Variants in IL3RA observed in about 807,000 individuals in gnomAD.
IL3RA encodes the protein interleukin 3 receptor subunit alpha.
In IL3RA, 73 loss-of-function variants were observed where a neutral mutation model predicts 52.3. That is an observed-to-expected ratio of 1.40 (90% CI 1.16 to 1.70). The LOEUF is 1.70. Ranked by LOEUF, IL3RA falls within the 40% of genes most tolerant of loss-of-function variation. The pLI is 0.00. For synonymous variants in IL3RA, 260 were observed against 194.0 expected (o/e 1.34, Z -2.83); for missense variants, 664 against 504.4 (o/e 1.32, Z -3.03).
At position 1,382,553 on chromosome X, in the gene IL3RA, G is replaced by C; in HGVS notation, c.*88G>C. Reference sequence around the variant, plus strand: ...CAGACTGGCTGCTGGACCTGCGCACGCAGCCCAGGAATGGACATTCCTAAC... The same window carrying C: ...CAGACTGGCTGCTGGACCTGCGCACCCAGCCCAGGAATGGACATTCCTAAC... On this transcript the variant is annotated 3_prime_UTR_variant, in exon 12 of 12. Coordinates refer to ENST00000331035, the MANE Select transcript of IL3RA (RefSeq NM_002183.4). 8.1e-7 allele frequency: 1 copy of C among 1,234,264 alleles called. No homozygotes were observed. The highest frequency in any genetic ancestry group is 1.2e-5 in the South Asian group (1 of 83,284). 76.5% of individuals were successfully genotyped at this position (1,234,264 alleles called of 1,614,324 possible).
At chrX:1,357,370 A>G (rs1382825183) in intron 7 of IL3RA, among the ~76,000 whole-genome samples, 22 of 149,982 alleles carry the variant, frequency 1.5e-4, no homozygotes, top group African/African-American at 5.4e-4. Flanking sequence ...TTGTTTGTTT[A>G]TTATTTTTGA....
chrX:1,379,574 G>C (rs2089030859), intron 10 of IL3RA, among the ~76,000 whole-genome samples: 1 of 152,228 alleles, frequency 6.6e-6, no homozygotes, highest in South Asian at 2.1e-4. Flanking sequence ...TCCCCAGGGT[G>C]GAGGAAGCAG....
At chrX:1,343,345 G>A (rs1452371457) in intron 2 of IL3RA, among the ~76,000 whole-genome samples, 1 of 151,876 alleles carries the variant, frequency 6.6e-6, no homozygotes, top group Non-Finnish European at 1.5e-5. Flanking sequence ...TCTAGCTTTG[G>A]GTGACCAGCA....
rs780832514 is a variant in IL3RA, at chrX:1,352,480, A to T, written c.590A>T (p.Asp197Val). ...RSAAFGIPCT[D>V]KFVVFSQIEI... is the part of the protein sequence containing the mutation. Reference sequence around the variant, plus strand: ...GCAGCCTTCGGTATCCCCTGCACAGATAAGTTTGTCGTCTTTTCACAGATT... The same window carrying T: ...GCAGCCTTCGGTATCCCCTGCACAGTTAAGTTTGTCGTCTTTTCACAGATT... Residue 197 changes from aspartate (D) to valine (V), a missense_variant, in exon 6 of 12, where the codon GAT becomes GTT. By Grantham distance (152) the Asp-to-Val change is radical. Transcript: ENST00000331035. The T allele has an allele frequency of 6.2e-7, 1 of 1,613,678 alleles. No individual in the cohort carries two copies.
intron 11 of IL3RA, 36 bp from the exon 12 acceptor site, chrX:1,382,355 G>T (rs1469002339): frequency 1.6e-5 from 24 of 1,545,522 alleles, no homozygotes; most frequent in African/African-American, 4.5e-5. Context: ...TATCTGGGGG[G>T]TGGCCGACTC....
intron 4 of IL3RA, 29 bp from the exon 5 acceptor site, chrX:1,352,071 C>T (rs749412432): frequency 1.4e-5 from 22 of 1,611,092 alleles, no homozygotes; most frequent in African/African-American, 9.3e-5. Flanking sequence ...GGTCCCGATT[C>T]GAGTTCTCTT....
chrX:1,382,564 A>G lies in IL3RA; in HGVS notation c.*99A>G. On this transcript the variant is annotated 3_prime_UTR_variant, in exon 12 of 12. Coordinates refer to ENST00000331035, the MANE Select transcript of IL3RA (RefSeq NM_002183.4). ...CTGGACCTGCGCACGCAGCCCAGGA[A>G]TGGACATTCCTAACGGGTGGTGGGC... 9.0e-7 allele frequency: 1 copy of G among 1,117,130 alleles called. No individual in the cohort carries two copies. The highest frequency in any genetic ancestry group is 1.4e-6 in the Non-Finnish European group (1 of 728,748). The allele number at this position is 1,117,130 out of a possible 1,614,324, so 69.2% of individuals were successfully genotyped here.
At chrX:1,348,651 T>C (rs1357520893) in intron 4 of IL3RA, 106 bp downstream of exon 4, 2 of 375,716 alleles carry the variant, frequency 5.3e-6, no homozygotes, top group East Asian at 8.7e-5. Context: ...TTTCTCTTTC[T>C]TTCTTTCTTT....
intron 8 of IL3RA, among the ~76,000 whole-genome samples, chrX:1,361,747 C>A (rs1162179596): frequency 8.5e-6 from 1 of 118,206 alleles, no homozygotes; most frequent in Non-Finnish European, 1.7e-5. Flanking sequence ...AGTGAGACTC[C>A]GTCTCGAGAA....
intron 4 of IL3RA, among the ~76,000 whole-genome samples, chrX:1,349,945 C>G (rs1428310952): frequency 6.7e-6 from 1 of 148,226 alleles, no homozygotes; most frequent in Non-Finnish European, 1.5e-5. Flanking sequence ...AGCCACTGTG[C>G]CGGGCCTCAA....
At chrX:1,381,172 G>C (rs1226304374) in intron 11 of IL3RA, 68 bp downstream of exon 11, 1 of 1,425,860 alleles carries the variant, frequency 7.0e-7, no homozygotes, top group Non-Finnish European at 9.9e-7. Context: ...GCCCAGGCGG[G>C]CGGACCACTT....
At chrX:1,360,562 A>C (rs2087176854) in intron 8 of IL3RA, among the ~76,000 whole-genome samples, 1 of 151,534 alleles carries the variant, frequency 6.6e-6, no homozygotes, top group Non-Finnish European at 1.5e-5. Context: ...CTTGTTGCCC[A>C]GGCTGGAGTG....
rs1381027181 is a variant in IL3RA at position 1,382,390 on chromosome X, G to A, written c.1063-1G>A. On this transcript the variant is annotated splice_acceptor_variant, in intron 11 of 11. Transcript: ENST00000331035. LOFTEE classifies it high-confidence loss of function. The stretch of plus-strand genomic sequence containing the variant: ...CACCCTGCCTCCTCTCGTCTCTGCA[G>A]GTGGTCTGGGAGGCGGGCAAAGCCG... The A allele has an allele frequency of 1.2e-6, 2 of 1,613,708 alleles. No homozygotes were observed. The highest frequency in any genetic ancestry group is 1.7e-6 in the Non-Finnish European group (2 of 1,179,804).
At chrX:1,340,115 C>CTTTTTTTTT (rs779128210) in intron 1 of IL3RA, among the ~76,000 whole-genome samples, 13 of 127,208 alleles carry the variant, frequency 1.0e-4, no homozygotes, top group African/African-American at 2.9e-4. Context: ...CTTTTCTTTT[C>CTTTTTTTTT]TTTTTTTTTT....
chrX:1,344,291 G>A lies in IL3RA; in HGVS notation c.65-1025G>A, dbSNP rs1185707953. ...TCTAGTAAAAATACAAAAATTAGCC[G>A]AGTGTGGTGGCAGGCACCTGTTATC... On this transcript the variant is annotated intron_variant, in intron 2 of 11. Transcript: ENST00000331035. 7.3e-5 allele frequency among the ~76,000 whole-genome samples: 11 copies of A among 151,516 alleles called. No individual in the cohort carries two copies. In the East Asian group the frequency reaches 1.8e-3, roughly 24 times the overall value.
chrX:1,364,999 G>C, intron 8 of IL3RA, 139 bp from the exon 9 acceptor site: 1 of 582,468 alleles, frequency 1.7e-6, no homozygotes, highest in African/African-American at 1.9e-5. Context: ...AGTAGAGACA[G>C]GGTTTCACCA....
chrX:1,354,931 G>A (rs1326852701), intron 6 of IL3RA, among the ~76,000 whole-genome samples: 1 of 14,178 alleles, frequency 7.1e-5, no homozygotes, highest in Non-Finnish European at 1.4e-4. Flanking sequence ...TGGTGAGGTG[G>A]GGAGGGAGAA....
rs768322686 is a variant in IL3RA, at chrX:1,352,427, T to C, written c.537T>C (p.Ser179=). The C allele has an allele frequency of 5.6e-6, 9 of 1,613,816 alleles. No homozygotes were observed. In the Admixed American group the frequency reaches 1.5e-4, roughly 27 times the overall value. The change falls in exon 6 of 12, where the codon AGT becomes AGC. Residue 179 remains serine (S), a synonymous_variant. Transcript: ENST00000331035. ...CTCGACTCTCCAGCGGTTCTCAAAG[T>C]TCCCACATCCTGGTGCGGGGCAGGA... The part of the protein sequence containing the change: ...DISRLSSGSQ[S]SHILVRGRSA...
chrX:1,377,331 C>T (rs780886520), intron 9 of IL3RA, among the ~76,000 whole-genome samples: 62 of 152,148 alleles, frequency 4.1e-4, no homozygotes, highest in East Asian at 5.8e-4. Flanking sequence ...ACCTCCACCT[C>T]GCAGGTTCAG....
Sources: gnomAD v4.1 joint callset for allele counts (sites outside exome capture counted in the v4.1 genomes callset) on GRCh38, gnomAD v4.1.1 for gene constraint, MANE v1.5 for transcripts, NCBI Gene and HGNC (gene_info 2026-07-23, HGNC 2026-07-21) for gene names.